Variants in ADK observed in about 807,000 individuals in gnomAD.
ADK encodes the protein N6,N6-dimethyladenosine kinase.
ADK carries 24 observed loss-of-function variants against 44.7 expected under a neutral mutation model. That is an observed-to-expected ratio of 0.54 (90% CI 0.39 to 0.76). ADK has a LOEUF of 0.76. Among genes scored for constraint, ADK ranks in the 30% least tolerant of loss-of-function variants. ADK has a pLI of 0.00. For synonymous variants in ADK, 128 were observed against 142.6 expected (o/e 0.90, Z 0.73); for missense variants, 321 against 425.1 (o/e 0.76, Z 2.15).
intron 1 of ADK, among the ~76,000 whole-genome samples, chr10:74,190,124 G>A (rs1842911127): frequency 6.6e-6 from 1 of 152,146 alleles, no homozygotes; most frequent in African/African-American, 2.4e-5. Flanking sequence ...GGGGCATGTG[G>A]TAATTTTATG....
intron 4 of ADK, among the ~76,000 whole-genome samples, chr10:74,324,493 T>G (rs1840940293): frequency 6.6e-6 from 1 of 152,242 alleles, no homozygotes; most frequent in Non-Finnish European, 1.5e-5. Context: ...TGAGTTGAGA[T>G]TATGTAGCAT....
chr10:74,291,411 C>T lies in ADK; in HGVS notation c.195-23256C>T, dbSNP rs1034119335. Among the ~76,000 whole-genome samples the T allele has an allele frequency of 1.1e-4, 16 of 151,904 alleles. No individual in the cohort carries two copies. In the South Asian group the frequency reaches 1.2e-3, roughly 12 times the overall value. ...CAGCCTGGGTGACAGAGTGAGACTC[C>T]GTCTCAAAAACAACAACAACAACAA... On this transcript the variant is annotated intron_variant, in intron 3 of 10. Coordinates refer to ENST00000539909, the MANE Select transcript of ADK (RefSeq NM_006721.4).
chr10:74,216,633 G>A (rs1489707159), intron 2 of ADK, among the ~76,000 whole-genome samples: 2 of 150,784 alleles, frequency 1.3e-5, no homozygotes, highest in South Asian at 4.2e-4. Flanking sequence ...ACTGAGGCAC[G>A]AGAATTGCTT....
chr10:74,344,864 TGTAAA>T (rs901084165), intron 4 of ADK: 10 of 161,990 alleles, frequency 6.2e-5, no homozygotes, highest in East Asian at 1.9e-4. Flanking sequence ...TTTCTGTTCT[TGTAAA>T]GTAGTGTTCC....
rs148572565 is a variant in ADK, at chr10:74,226,625, G to A, written c.194+2034G>A. ...ATTTCAACACATATACCATTAACTA[G>A]AGTTTTATATTTCAAAGTTTTTTTT... On this transcript the variant is annotated intron_variant, in intron 3 of 10. Coordinates refer to ENST00000539909, the MANE Select transcript of ADK (RefSeq NM_006721.4). 3.9e-3 allele frequency among the ~76,000 whole-genome samples: 599 copies of A among 151,652 alleles called. 7 individuals carry two copies. The highest frequency in any genetic ancestry group is 0.013 in the African/African-American group (533 of 41,368).
chr10:74,680,317 GAAAA>G (rs35798713), intron 10 of ADK, among the ~76,000 whole-genome samples: 2 of 138,080 alleles, frequency 1.4e-5, no homozygotes, highest in African/African-American at 2.7e-5. Flanking sequence ...TCCATCTCAA[GAAAA>G]AAAAAAAAAA....
chr10:74,458,148 G>A (rs1377223455), intron 6 of ADK, among the ~76,000 whole-genome samples: 2 of 121,934 alleles, frequency 1.6e-5, no homozygotes, highest in East Asian at 2.4e-4. Flanking sequence ...TTTTTTTTTG[G>A]GGGGAGAAGG....
At chr10:74,188,490 C>T (rs966793278) in intron 1 of ADK, among the ~76,000 whole-genome samples, 6 of 150,326 alleles carry the variant, frequency 4.0e-5, no homozygotes, top group South Asian at 2.1e-4. Flanking sequence ...CAGGGACTAC[C>T]GGCACCCGCC....
intron 4 of ADK, among the ~76,000 whole-genome samples, chr10:74,327,646 T>A (rs544643882): frequency 1.1e-4 from 17 of 152,216 alleles, no homozygotes; most frequent in Middle Eastern, 3.4e-3. Flanking sequence ...ATACTCAGCT[T>A]AGTATCTGGG....
chr10:74,552,859 A>G (rs1850084627), intron 7 of ADK, among the ~76,000 whole-genome samples: 1 of 152,182 alleles, frequency 6.6e-6, no homozygotes, highest in South Asian at 2.1e-4. Context: ...GGAAACACAA[A>G]TTAACATCAC....
chr10:74,249,035 A>G (rs2132329084), intron 3 of ADK, among the ~76,000 whole-genome samples: 1 of 152,244 alleles, frequency 6.6e-6, no homozygotes, highest in East Asian at 1.9e-4. Context: ...TTTTGCCACT[A>G]TCTATTTTTC....
intron 3 of ADK, among the ~76,000 whole-genome samples, chr10:74,254,467 CTT>C (rs201813558): frequency 6.6e-6 from 1 of 151,512 alleles, no homozygotes; most frequent in Non-Finnish European, 1.5e-5. Context: ...AGATATGCCT[CTT>C]TTTTTTATTT....
chr10:74,445,494 A>G (rs1845561517), intron 6 of ADK, among the ~76,000 whole-genome samples: 1 of 151,966 alleles, frequency 6.6e-6, no homozygotes, highest in African/African-American at 2.4e-5. Flanking sequence ...TCCTTTATAT[A>G]TTCCTTTACT....
At chr10:74,220,707 G>T (rs1162589865) in intron 2 of ADK, among the ~76,000 whole-genome samples, 4 of 152,156 alleles carry the variant, frequency 2.6e-5, no homozygotes, top group Non-Finnish European at 4.4e-5. Context: ...ATGCAAGGCT[G>T]GTTCAACATA....
intron 3 of ADK, among the ~76,000 whole-genome samples, chr10:74,289,181 GCTT>G (rs1220427233): frequency 6.6e-6 from 1 of 152,110 alleles, no homozygotes; most frequent in Non-Finnish European, 1.5e-5. Flanking sequence ...TCTGTCTATA[GCTT>G]CTTCTAGGAA....
intron 4 of ADK, among the ~76,000 whole-genome samples, chr10:74,383,408 G>GTCTCTC (rs1554851152): frequency 6.4e-4 from 96 of 150,322 alleles, no homozygotes; most frequent in Non-Finnish European, 1.1e-3. Context: ...CTCTGTCTCT[G>GTCTCTC]TCTCTCTCTC....
chr10:74,489,363 A>G (rs1035986018), intron 6 of ADK, among the ~76,000 whole-genome samples: 3 of 152,002 alleles, frequency 2.0e-5, no homozygotes, highest in African/African-American at 7.2e-5. Context: ...AAGGAATGTC[A>G]TGTAGTTTGG....
intron 7 of ADK, among the ~76,000 whole-genome samples, chr10:74,543,297 C>T (rs1297036760): frequency 6.6e-6 from 1 of 151,900 alleles, no homozygotes; most frequent in Non-Finnish European, 1.5e-5. Context: ...TCCTGCAATC[C>T]TTCTGCCTTG....
At chr10:74,308,310 G>A (rs1355331550) in intron 3 of ADK, among the ~76,000 whole-genome samples, 1 of 152,160 alleles carries the variant, frequency 6.6e-6, no homozygotes, top group East Asian at 1.9e-4. Context: ...TTCAAGAAGT[G>A]TCTTTAAATT....
Sources: gnomAD v4.1 joint callset for allele counts (sites outside exome capture counted in the v4.1 genomes callset) on GRCh38, gnomAD v4.1.1 for gene constraint, MANE v1.5 for transcripts, NCBI Gene and HGNC (gene_info 2026-07-23, HGNC 2026-07-21) for gene names.